The following IL7 variants were observed in gnomAD, a reference collection of about 807,000 sequenced individuals.
IL7 encodes the protein interleukin 7, also known as interleukin-7.
Under a neutral mutation model 21.6 loss-of-function variants are expected in IL7, and 3 were observed. The observed-to-expected ratio is 0.14, with a 90% CI of 0.06 to 0.36. IL7 has a LOEUF of 0.36. IL7 is among the 10% of genes least tolerant of loss of function. IL7 has a pLI of 1.00. For missense variants in IL7, 175 were observed against 200.2 expected, an observed-to-expected ratio of 0.87 and a Z score of 0.76; for synonymous variants, 62 against 68.1, an observed-to-expected ratio of 0.91 and a Z score of 0.44.
At chr8:78,717,033 A>G (rs1811127989), downstream of IL7, among the ~76,000 whole-genome samples, 1 of 152,054 alleles carries the variant, frequency 6.6e-6, no homozygotes, top group Non-Finnish European at 1.5e-5. Flanking sequence ...TCTTTTCTTT[A>G]TAAATTACCC....
In IL7 at chr8:78,804,313, C is replaced by T. The variant is rs3888021; in HGVS notation, c.10+600G>A. On this transcript the variant is annotated intron_variant, in intron 1 of 5. Coordinates refer to ENST00000263851, the MANE Select transcript of IL7 (RefSeq NM_000880.4). ...AAAAACAAAAAAACCCAGAAGCTGG[C>T]CTTCCTCAGCGCCAGCCCCAGGACT... 2.2e-3 allele frequency among the ~76,000 whole-genome samples: 333 copies of T among 152,320 alleles called. 2 individuals carry two copies. The highest frequency in any genetic ancestry group is 7.5e-3 in the African/African-American group (310 of 41,582).
chr8:78,682,765 TCCA>T (rs1469127101), intron 4 of IL7, among the ~76,000 whole-genome samples: 2 of 152,080 alleles, frequency 1.3e-5, no homozygotes, highest in Non-Finnish European at 2.9e-5. Context: ...AACCCTAAAG[TCCA>T]CAGTTCAATC....
chr8:78,706,854 A>G (rs952019600), intron 3 of IL7, among the ~76,000 whole-genome samples: 6 of 152,210 alleles, frequency 3.9e-5, no homozygotes, highest in Admixed American at 6.5e-5. Flanking sequence ...CTAAAGGAAT[A>G]TAATGTAATT....
chr8:78,788,646 A>G (rs951809464), intron 2 of IL7, among the ~76,000 whole-genome samples: 1 of 152,142 alleles, frequency 6.6e-6, no homozygotes, highest in African/African-American at 2.4e-5. Flanking sequence ...GGCTCAGTAC[A>G]TGTTCAATTT....
At chr8:78,774,912 T>TA (rs1350430240) in intron 2 of IL7, among the ~76,000 whole-genome samples, 3 of 152,056 alleles carry the variant, frequency 2.0e-5, no homozygotes, top group Non-Finnish European at 4.4e-5. Context: ...AAGCTCAACT[T>TA]AAGAAAAATC....
intron 2 of IL7, among the ~76,000 whole-genome samples, chr8:78,771,062 G>C (rs1192499529): frequency 2.0e-5 from 3 of 152,002 alleles, no homozygotes; most frequent in Non-Finnish European, 4.4e-5. Flanking sequence ...TACTTCTCTA[G>C]TGGGAATCAC....
intron 2 of IL7, among the ~76,000 whole-genome samples, chr8:78,772,872 A>C (rs969639144): frequency 2.0e-5 from 3 of 152,148 alleles, no homozygotes; most frequent in Non-Finnish European, 4.4e-5. Context: ...GTGTTTGCAA[A>C]GCTAAAACTG....
intron 4 of IL7, among the ~76,000 whole-genome samples, chr8:78,680,474 C>T (rs1221342434): frequency 6.6e-6 from 1 of 152,072 alleles, no homozygotes; most frequent in Non-Finnish European, 1.5e-5. Flanking sequence ...ATTTTAAGAA[C>T]ATCCTTGGGT....
At chr8:78,761,161 G>T in intron 2 of IL7, 1 of 1,591,152 alleles carries the variant, frequency 6.3e-7, no homozygotes, top group Admixed American at 1.8e-5. Flanking sequence ...GAGAATGGCA[G>T]ATTTCCTTCA....
chr8:78,697,623 T>A, intron 3 of IL7: 1 of 709,778 alleles, frequency 1.4e-6, no homozygotes, highest in Non-Finnish European at 2.3e-6. Context: ...AGAAGAGATG[T>A]AGAAGTTAAG....
At chr8:78,694,222 G>A (rs566950516) in intron 3 of IL7, among the ~76,000 whole-genome samples, 1 of 149,930 alleles carries the variant, frequency 6.7e-6, no homozygotes, top group East Asian at 1.9e-4. Context: ...AGTACTCATA[G>A]TTGTTTGTAA....
intron 3 of IL7, among the ~76,000 whole-genome samples, chr8:78,693,875 T>G (rs1339729712): frequency 1.3e-5 from 2 of 152,228 alleles, no homozygotes; most frequent in Non-Finnish European, 2.9e-5. Flanking sequence ...GGTCTAACAC[T>G]TAAGTCTTTA....
intron 2 of IL7, among the ~76,000 whole-genome samples, chr8:78,775,920 G>T (rs1165349523): frequency 6.6e-6 from 1 of 151,972 alleles, no homozygotes; most frequent in Non-Finnish European, 1.5e-5. Flanking sequence ...TTATTAAATA[G>T]CCACTTCTAC....
At chr8:78,732,696 AAATT>A (rs1437177379), downstream of IL7, 3 of 152,178 alleles carry the variant, frequency 2.0e-5, no homozygotes. Context: ...TGAAAGTAGA[AAATT>A]AAAGAGCAGT....
intron 2 of IL7, among the ~76,000 whole-genome samples, 168 bp from the exon 3 acceptor site, chr8:78,740,250 T>C (rs1225831964): frequency 6.6e-6 from 1 of 152,208 alleles, no homozygotes; most frequent in African/African-American, 2.4e-5. Flanking sequence ...TTTTCTATAG[T>C]TGAAGGATAA....
At chr8:78,679,275 A>G (rs536538303) in intron 4 of IL7, 2 of 152,284 alleles carry the variant, frequency 1.3e-5, no homozygotes, top group South Asian at 4.1e-4. Flanking sequence ...TATCTGTTAT[A>G]TATTATAGTA....
At chr8:78,793,699 G>C (rs1451085278) in intron 2 of IL7, among the ~76,000 whole-genome samples, 1 of 152,032 alleles carries the variant, frequency 6.6e-6, no homozygotes, top group Non-Finnish European at 1.5e-5. Context: ...AATGAAGTTT[G>C]CCACATAGAT....
intron 2 of IL7, among the ~76,000 whole-genome samples, chr8:78,792,493 A>C (rs1420501559): frequency 6.6e-6 from 1 of 152,104 alleles, no homozygotes; most frequent in African/African-American, 2.4e-5. Flanking sequence ...AAACAATACA[A>C]ATGATGGGAG....
chr8:78,760,521 C>G, intron 2 of IL7: 1 of 1,537,294 alleles, frequency 6.5e-7, no homozygotes, highest in Non-Finnish European at 8.7e-7. Flanking sequence ...GACAGCGTGT[C>G]AGGATTGGGT....
Sources: allele counts gnomAD v4.1 joint callset (sites outside exome capture counted in the v4.1 genomes callset), GRCh38; gene constraint gnomAD v4.1.1; transcripts MANE v1.5; gene names NCBI Gene and HGNC (gene_info 2026-07-23, HGNC 2026-07-21).